WWOX: variants seen among roughly 807,000 people sequenced by gnomAD.
WWOX encodes WW domain-containing oxidoreductase.
WWOX carries 69 observed loss-of-function variants against 46.2 expected under a neutral mutation model. The observed-to-expected ratio is 1.49, with a 90% CI of 1.23 to 1.82. The LOEUF is 1.82. Among genes scored for constraint, WWOX ranks in the 40% most tolerant of loss-of-function variants. WWOX has a pLI of 0.00. For missense variants in WWOX, 919 were observed against 542.6 expected (o/e 1.69, Z -6.89); for synonymous variants, 359 against 202.6 (o/e 1.77, Z -6.56).
At chr16:78,512,245 C>G (rs913422963) in intron 8 of WWOX, among the ~76,000 whole-genome samples, 1 of 152,160 alleles carries the variant, frequency 6.6e-6, no homozygotes. Context: ...TTAATATTAT[C>G]AATTGCTGGT....
chr16:78,558,173 G>A (rs1278804506), intron 8 of WWOX, among the ~76,000 whole-genome samples: 9 of 152,180 alleles, frequency 5.9e-5, no homozygotes, highest in African/African-American at 9.6e-5. Context: ...TGCCACCACC[G>A]CCTTCCCGGA....
At chr16:78,677,009 C>G (rs942021974) in intron 8 of WWOX, among the ~76,000 whole-genome samples, 6 of 150,012 alleles carry the variant, frequency 4.0e-5, no homozygotes, top group African/African-American at 1.5e-4. Flanking sequence ...AGAACGTAAG[C>G]AAATTTAAAA....
intron 4 of WWOX, among the ~76,000 whole-genome samples, chr16:78,161,348 T>C (rs1161050926): frequency 6.6e-6 from 1 of 152,130 alleles, no homozygotes; most frequent in Non-Finnish European, 1.5e-5. Context: ...CCTGTTAAGT[T>C]ATTCTATATT....
rs375921778 is a variant in WWOX at position 78,352,241 on chromosome 16, T to C, written c.517-34619T>C. Among the ~76,000 whole-genome samples the C allele has an allele frequency of 4.6e-5, 7 of 152,370 alleles. No individual in the cohort carries two copies. The South Asian group carries it at 1.0e-3, about 23-fold the overall frequency. On this transcript the variant is annotated intron_variant, in intron 5 of 8. Transcript: ENST00000566780. ...GTGAAATCTCACAAATTAAACATGTTACATAACTGTATTTTGTTTCCTATC... is the reference window on the plus strand; with the variant it reads ...GTGAAATCTCACAAATTAAACATGTCACATAACTGTATTTTGTTTCCTATC...
intron 8 of WWOX, among the ~76,000 whole-genome samples, chr16:78,913,940 C>G (rs1301731178): frequency 1.3e-5 from 2 of 152,024 alleles, no homozygotes; most frequent in African/African-American, 4.8e-5. Context: ...GGATTATAGA[C>G]ATGATCCACT....
intron 8 of WWOX, among the ~76,000 whole-genome samples, chr16:78,442,196 A>T (rs1003571280): frequency 1.3e-5 from 2 of 152,134 alleles, no homozygotes; most frequent in African/African-American, 4.8e-5. Context: ...TGATATTCAT[A>T]TGCATTGTGA....
At chr16:78,668,447 T>G (rs559712916) in intron 8 of WWOX, among the ~76,000 whole-genome samples, 65 of 152,330 alleles carry the variant, frequency 4.3e-4, no homozygotes, top group Admixed American at 4.2e-3. Flanking sequence ...TTCCATTCTT[T>G]CCTTTGTATA....
intron 4 of WWOX, among the ~76,000 whole-genome samples, chr16:78,116,410 T>C (rs2032792575): frequency 6.6e-6 from 1 of 152,330 alleles, no homozygotes; most frequent in African/African-American, 2.4e-5. Context: ...GTGTGAAATC[T>C]ACCAGGTTGC....
rs538024787 is a variant in WWOX, at chr16:78,338,016, TC to T, written c.517-48843del. 5.8e-5 allele frequency among the ~76,000 whole-genome samples: 7 copies of T among 120,384 alleles called. No individual in the cohort carries two copies. The East Asian group carries it at 1.4e-3, about 23-fold the overall frequency. The allele number at this position is 120,384 out of a possible 152,430, so 79.0% of individuals were successfully genotyped here. ...AACCAAGCTGATGAGGATAGCAGTT[TC>T]TTTTGTTCTTTTAAAACATATATAA... On this transcript the variant is annotated intron_variant, in intron 5 of 8. Coordinates refer to ENST00000566780, the MANE Select transcript of WWOX (RefSeq NM_016373.4).
At chr16:78,147,595 A>T (rs1260205102) in intron 4 of WWOX, among the ~76,000 whole-genome samples, 1 of 151,988 alleles carries the variant, frequency 6.6e-6, no homozygotes, top group East Asian at 1.9e-4. Flanking sequence ...AGTCTTTTCA[A>T]GAGGCAAAGT....
intron 6 of WWOX, among the ~76,000 whole-genome samples, chr16:78,390,865 G>GA (rs1357480349): frequency 6.6e-6 from 1 of 152,112 alleles, no homozygotes; most frequent in Non-Finnish European, 1.5e-5. Context: ...TTGAGGAGAG[G>GA]AAAAAATCCC....
At chr16:79,085,941 A>C (rs899513984) in intron 8 of WWOX, among the ~76,000 whole-genome samples, 41 of 152,066 alleles carry the variant, frequency 2.7e-4, no homozygotes, top group African/African-American at 9.9e-4. Context: ...AGTCCCAGCT[A>C]CTCACCTGTA....
chr16:78,722,289 C>G (rs2048711706), intron 8 of WWOX, among the ~76,000 whole-genome samples: 1 of 152,286 alleles, frequency 6.6e-6, no homozygotes, highest in South Asian at 2.1e-4. Flanking sequence ...TACCAGTTTT[C>G]TCAAGTGACT....
intron 8 of WWOX, among the ~76,000 whole-genome samples, chr16:79,028,702 T>C (rs58309994): frequency 0.056 from 8,488 of 151,868 alleles, 340 homozygotes; most frequent in South Asian, 0.16. Flanking sequence ...GGAAAGCAAA[T>C]TGAATAAATT....
intron 8 of WWOX, among the ~76,000 whole-genome samples, chr16:78,851,729 G>A (rs1039967886): frequency 3.3e-5 from 5 of 152,174 alleles, no homozygotes; most frequent in Non-Finnish European, 5.9e-5. Context: ...TTCAAATGAA[G>A]TGGACCTCCC....
intron 5 of WWOX, among the ~76,000 whole-genome samples, chr16:78,197,364 C>G (rs903587544): frequency 1.3e-5 from 2 of 152,144 alleles, no homozygotes; most frequent in African/African-American, 4.8e-5. Context: ...TTAGTTGCCT[C>G]CCACCACACC....
chr16:79,115,508 C>T (rs574948825), intron 8 of WWOX, among the ~76,000 whole-genome samples: 1 of 152,252 alleles, frequency 6.6e-6, no homozygotes, highest in Non-Finnish European at 1.5e-5. Flanking sequence ...TTAGCAGCTG[C>T]CACAAACTGG....
chr16:78,326,173 A>G (rs1290907287), intron 5 of WWOX, among the ~76,000 whole-genome samples: 1 of 152,186 alleles, frequency 6.6e-6, no homozygotes, highest in Non-Finnish European at 1.5e-5. Context: ...CTGAGGAGCA[A>G]GGAAACTGGG....
intron 8 of WWOX, among the ~76,000 whole-genome samples, chr16:78,457,150 G>T (rs555778513): frequency 6.6e-6 from 1 of 152,186 alleles, no homozygotes; most frequent in Non-Finnish European, 1.5e-5. Flanking sequence ...GTCTGTGTCT[G>T]CACCCTTTTT....
Sources: allele counts gnomAD v4.1 joint callset (sites outside exome capture counted in the v4.1 genomes callset), GRCh38; gene constraint gnomAD v4.1.1; transcripts MANE v1.5; gene names NCBI Gene and HGNC (gene_info 2026-07-23, HGNC 2026-07-21).